Variants in ENTREP2 observed in about 807,000 individuals in gnomAD.
ENTREP2 encodes the protein endosomal transmembrane epsin interactor 2.
chr15:29,454,596 T>A, the ENTREP2 span, among the ~76,000 whole-genome samples: 1 of 152,216 alleles, frequency 6.6e-6, no homozygotes, highest in Admixed American at 6.5e-5. Context: ...ATAGTTAGTA[T>A]GTGGCACACA....
chr15:29,526,211 C>G, the ENTREP2 span, among the ~76,000 whole-genome samples: 2 of 152,274 alleles, frequency 1.3e-5, no homozygotes, highest in East Asian at 3.9e-4. Context: ...CTGAAAGGCA[C>G]TTGCAAACAA....
chr15:29,434,458 C>T, the ENTREP2 span, among the ~76,000 whole-genome samples: 2 of 152,144 alleles, frequency 1.3e-5, no homozygotes, highest in African/African-American at 4.8e-5. Flanking sequence ...ATCCCTTCAC[C>T]TGTTCAGTGT....
chr15:29,666,145 C>T, the ENTREP2 span, among the ~76,000 whole-genome samples: 999 of 151,882 alleles, frequency 6.6e-3, 5 homozygotes, highest in South Asian at 0.024. Flanking sequence ...TGTGAGTCAC[C>T]GCACCTGGCC....
the ENTREP2 span, among the ~76,000 whole-genome samples, chr15:29,161,248 C>A: frequency 4.9e-4 from 74 of 152,246 alleles, 2 homozygotes; most frequent in South Asian, 7.3e-3. Flanking sequence ...TAACGTCTCC[C>A]CTAGACAAAG....
the ENTREP2 span, among the ~76,000 whole-genome samples, chr15:29,337,143 G>A: frequency 7.2e-5 from 11 of 152,190 alleles, no homozygotes; most frequent in Non-Finnish European, 1.2e-4. Flanking sequence ...TCCCTGCAGC[G>A]TTCAAAGAGT....
At chr15:29,234,623 C>T in the ENTREP2 span, 5 of 1,552,908 alleles carry the variant, frequency 3.2e-6, no homozygotes, top group Admixed American at 1.7e-5. Flanking sequence ...AGTTTTGATG[C>T]GTGTATCAAA....
At chr15:29,411,203 G>C in the ENTREP2 span, among the ~76,000 whole-genome samples, 2 of 152,172 alleles carry the variant, frequency 1.3e-5, no homozygotes, top group African/African-American at 4.8e-5. Flanking sequence ...GTTTCTGCAA[G>C]GTATATGCTT....
At chr15:29,524,636 G>A in the ENTREP2 span, among the ~76,000 whole-genome samples, 1 of 152,248 alleles carries the variant, frequency 6.6e-6, no homozygotes, top group African/African-American at 2.4e-5. Context: ...AGCCGTGCAG[G>A]AACAATGGCG....
the ENTREP2 span, among the ~76,000 whole-genome samples, chr15:29,218,667 T>C: frequency 3.0e-3 from 450 of 152,136 alleles, 4 homozygotes; most frequent in Non-Finnish European, 4.8e-3. Flanking sequence ...GCCCAAATAT[T>C]TACAGCCAAC....
chr15:29,306,297 G>A, the ENTREP2 span, among the ~76,000 whole-genome samples: 2 of 152,196 alleles, frequency 1.3e-5, no homozygotes, highest in African/African-American at 4.8e-5. Context: ...ATCCTTGGGG[G>A]GGATGAGGAA....
At chr15:29,123,526 C>T in the ENTREP2 span, 34 of 1,551,618 alleles carry the variant, frequency 2.2e-5, 1 homozygote, top group Admixed American at 3.9e-5. Context: ...CACTAAAGAG[C>T]GTGGCCGCTC....
chr15:29,428,198 C>G, the ENTREP2 span, among the ~76,000 whole-genome samples: 4 of 152,158 alleles, frequency 2.6e-5, no homozygotes, highest in Non-Finnish European at 5.9e-5. Context: ...GACTCCGATA[C>G]ACTCAAAAAA....
chr15:29,518,698 A>G, the ENTREP2 span, among the ~76,000 whole-genome samples: 3 of 152,216 alleles, frequency 2.0e-5, no homozygotes, highest in Admixed American at 6.5e-5. Context: ...GACAACAGCT[A>G]TAACCACAGG....
chr15:29,331,584 T>TGACA, the ENTREP2 span, among the ~76,000 whole-genome samples: 1 of 152,198 alleles, frequency 6.6e-6, no homozygotes, highest in Non-Finnish European at 1.5e-5. Flanking sequence ...GGTTCCCTTG[T>TGACA]GACATCTAAA....
the ENTREP2 span, among the ~76,000 whole-genome samples, chr15:29,381,575 G>A: frequency 3.6e-4 from 54 of 151,574 alleles, no homozygotes; most frequent in East Asian, 0.01. Context: ...ACACTGAGGA[G>A]CGCTCTCAGA....
At chr15:29,569,784 TAA>T in the ENTREP2 span, 1 of 152,236 alleles carries the variant, frequency 6.6e-6, no homozygotes, top group Non-Finnish European at 1.5e-5. Flanking sequence ...ATTTGGTGGT[TAA>T]GAGTCTGAAA....
At chr15:29,124,688 G>T in the ENTREP2 span, 4 of 1,550,336 alleles carry the variant, frequency 2.6e-6, no homozygotes, top group South Asian at 3.6e-5. Flanking sequence ...GCGTCTCACC[G>T]CTCCCAGGCA....
At chr15:29,317,627 A>G in the ENTREP2 span, among the ~76,000 whole-genome samples, 2 of 152,220 alleles carry the variant, frequency 1.3e-5, no homozygotes, top group African/African-American at 2.4e-5. Flanking sequence ...TAGACATAGC[A>G]TAGAAAAATT....
the ENTREP2 span, among the ~76,000 whole-genome samples, chr15:29,238,257 A>G: frequency 6.6e-6 from 1 of 152,228 alleles, no homozygotes; most frequent in Non-Finnish European, 1.5e-5. Context: ...ATTGACTTCA[A>G]TGATGTTTAC....
Sources: gnomAD v4.1 joint callset for allele counts (sites outside exome capture counted in the v4.1 genomes callset) on GRCh38, gnomAD v4.1.1 for gene constraint, MANE v1.5 for transcripts, NCBI Gene and HGNC (gene_info 2026-07-23, HGNC 2026-07-21) for gene names.